The following ALDH1A1 variants were observed in gnomAD, a reference collection of about 807,000 sequenced individuals.
The protein encoded by ALDH1A1 is aldehyde dehydrogenase 1 family member A1, also known as aldehyde dehydrogenase 1A1.
In ALDH1A1, 19 loss-of-function variants were observed where a neutral mutation model predicts 62.1. That is an observed-to-expected ratio of 0.31 (90% CI 0.21 to 0.45). The LOEUF is 0.45. ALDH1A1 is among the 20% of genes least tolerant of loss of function. The pLI is 1.00. For missense variants in ALDH1A1, 521 were observed against 607.1 expected (o/e 0.86, Z 1.49); for synonymous variants, 231 against 215.9 (o/e 1.07, Z -0.61).
At chr9:72,943,428 T>G (rs1324844450) in intron 1 of ALDH1A1, among the ~76,000 whole-genome samples, 5 of 152,178 alleles carry the variant, frequency 3.3e-5, no homozygotes, top group Admixed American at 6.6e-5. Context: ...GCATCTAAGC[T>G]GTACATAAAA....
intron 1 of ALDH1A1, chr9:72,942,468 T>C (rs1170220407): frequency 2.6e-6 from 2 of 757,572 alleles, no homozygotes; most frequent in Non-Finnish European, 3.2e-6. Context: ...TCTATACAAG[T>C]ATAAAAAAGC....
chr9:72,914,742 T>TAC (rs1830038930), intron 9 of ALDH1A1, among the ~76,000 whole-genome samples: 1 of 151,520 alleles, frequency 6.6e-6, no homozygotes. Context: ...AAAGTATATA[T>TAC]ATATATTTTG....
rs192915962 is a variant in ALDH1A1, at chr9:72,925,750, T to G, written c.505-138A>C. On this transcript the variant is annotated intron_variant, in intron 5 of 12. Coordinates refer to ENST00000297785, the MANE Select transcript of ALDH1A1 (RefSeq NM_000689.5). ...GTGAAATCATCTGGCATATTATACT[T>G]CATTGCTAAAAGCAACTAGTAAATG... is the stretch of plus-strand genomic sequence containing the variant. 6.3e-5 allele frequency: 62 copies of G among 981,310 alleles called. No homozygotes were observed. In the African/African-American group the frequency reaches 8.9e-4, roughly 14 times the overall value. 60.8% of individuals were successfully genotyped at this position (981,310 alleles called of 1,614,324 possible).
chr9:72,929,758 CTATT>C (rs1830256484), intron 3 of ALDH1A1, among the ~76,000 whole-genome samples: 1 of 152,152 alleles, frequency 6.6e-6, no homozygotes, highest in African/African-American at 2.4e-5. Context: ...ACTGTTAAAG[CTATT>C]TGTTTCTGTA....
chr9:72,903,574 T>C (rs186527488), intron 12 of ALDH1A1, among the ~76,000 whole-genome samples: 171 of 151,994 alleles, frequency 1.1e-3, no homozygotes, highest in African/African-American at 4.0e-3. Flanking sequence ...TCAGGTACAC[T>C]TTAACTGTAG....
chr9:72,946,959 T>C (rs1421479761), intron 1 of ALDH1A1, among the ~76,000 whole-genome samples: 2 of 151,914 alleles, frequency 1.3e-5, no homozygotes, highest in African/African-American at 4.8e-5. Flanking sequence ...TTCTGGCAAG[T>C]ATGTAGTGAC....
chr9:72,901,507 A>G (rs897004032), intron 12 of ALDH1A1, among the ~76,000 whole-genome samples: 5 of 152,084 alleles, frequency 3.3e-5, no homozygotes, highest in Non-Finnish European at 7.4e-5. Flanking sequence ...ATTTTAAATA[A>G]TCATGTACTG....
At chr9:72,916,315 G>C (rs1380709499) in intron 9 of ALDH1A1, among the ~76,000 whole-genome samples, 1 of 152,166 alleles carries the variant, frequency 6.6e-6, no homozygotes, top group Non-Finnish European at 1.5e-5. Flanking sequence ...AAGGAAGAGG[G>C]AAAGATGATC....
chr9:72,943,747 T>C (rs1321354491), intron 1 of ALDH1A1, among the ~76,000 whole-genome samples: 3 of 151,992 alleles, frequency 2.0e-5, no homozygotes, highest in African/African-American at 7.2e-5. Flanking sequence ...TGTGGAAAAA[T>C]GAGAGATGAG....
chr9:72,943,027 C>T (rs1199901269), intron 1 of ALDH1A1, among the ~76,000 whole-genome samples: 1 of 152,118 alleles, frequency 6.6e-6, no homozygotes, highest in African/African-American at 2.4e-5. Context: ...TTAAATCAGT[C>T]TTTCAAAACC....
chr9:72,906,264 G>A (rs1183050469), intron 11 of ALDH1A1, among the ~76,000 whole-genome samples: 1 of 152,070 alleles, frequency 6.6e-6, no homozygotes, highest in Admixed American at 6.5e-5. Flanking sequence ...AGCCATTTTG[G>A]TCGTACATTG....
At position 72,930,963 on chromosome 9, in the gene ALDH1A1, C is replaced by T. The variant is rs757957185; in HGVS notation, c.228G>A (p.Pro76=). The change falls in exon 3 of 13, where the codon CCG becomes CCA. Residue 76 remains proline (P), a synonymous_variant. Transcript: ENST00000297785. Reference sequence around the variant, plus strand: ...TCTCGGAAGCATCCATAGTACGCCACGGGGATCCAATCTGAAAAGCCTGTC... The same window carrying T: ...TCTCGGAAGCATCCATAGTACGCCATGGGGATCCAATCTGAAAAGCCTGTC... ...AARQAFQIGS[P]WRTMDASERG... The T allele has an allele frequency of 6.2e-7, 1 of 1,614,036 alleles. No homozygotes were observed. The highest frequency in any genetic ancestry group is 1.3e-5 in the African/African-American group (1 of 75,004).
intron 7 of ALDH1A1, among the ~76,000 whole-genome samples, chr9:72,922,856 A>G (rs1340709233): frequency 1.3e-5 from 2 of 152,160 alleles, no homozygotes; most frequent in African/African-American, 2.4e-5. Flanking sequence ...CCCTATCTCA[A>G]TTAGGGAGTT....
intron 4 of ALDH1A1, 143 bp from the exon 5 acceptor site, chr9:72,927,320 C>A: frequency 1.9e-6 from 1 of 525,186 alleles, no homozygotes; most frequent in South Asian, 3.5e-5. Context: ...CGCCTGTAAT[C>A]CCAGCACTTT....
intron 3 of ALDH1A1, among the ~76,000 whole-genome samples, chr9:72,930,376 C>T (rs760936111): frequency 7.9e-5 from 12 of 152,052 alleles, no homozygotes; most frequent in Admixed American, 2.0e-4. Context: ...CCCTTGTGAA[C>T]AGACACATTT....
chr9:72,915,329 C>G (rs574507522), intron 9 of ALDH1A1, among the ~76,000 whole-genome samples: 19 of 152,086 alleles, frequency 1.2e-4, no homozygotes, highest in African/African-American at 3.9e-4. Flanking sequence ...AAGTACTGCC[C>G]AACAATTAGG....
At chr9:72,936,258 A>G (rs540860256) in intron 2 of ALDH1A1, among the ~76,000 whole-genome samples, 1 of 152,332 alleles carries the variant, frequency 6.6e-6, no homozygotes, top group East Asian at 1.9e-4. Flanking sequence ...GGTAAATCCC[A>G]CAAACTTCAC....
chr9:72,936,888 A>C (rs1830352837), intron 2 of ALDH1A1, among the ~76,000 whole-genome samples: 1 of 152,150 alleles, frequency 6.6e-6, no homozygotes, highest in African/African-American at 2.4e-5. Flanking sequence ...TCGGTGGTTC[A>C]AGATGCATTC....
chr9:72,908,556 AAAGAAAGAAAG>A (rs1159836271), intron 11 of ALDH1A1, among the ~76,000 whole-genome samples: 1 of 3,864 alleles, frequency 2.6e-4, no homozygotes, highest in Non-Finnish European at 6.4e-4. Context: ...AAGAAAGAAG[AAAGAAAGAAAG>A]AAAGAAAGAA....
Sources: allele counts gnomAD v4.1 joint callset (sites outside exome capture counted in the v4.1 genomes callset), GRCh38; gene constraint gnomAD v4.1.1; transcripts MANE v1.5; gene names NCBI Gene and HGNC (gene_info 2026-07-23, HGNC 2026-07-21).